Variants in ASAP2 observed in about 807,000 individuals in gnomAD.
ASAP2 encodes arf-GAP with SH3 domain, ANK repeat and PH domain-containing protein 2.
Under a neutral mutation model 131.4 loss-of-function variants are expected in ASAP2, and 45 were observed. The ratio of observed to expected loss-of-function variants is 0.34; its 90% CI spans 0.27 to 0.44. ASAP2 has a LOEUF of 0.44. ASAP2 is among the 20% of genes least tolerant of loss of function. ASAP2 has a pLI of 1.00. For missense variants in ASAP2, 1,011 were observed against 1,297.0 expected (o/e 0.78, Z 3.39); for synonymous variants, 510 against 503.0 (o/e 1.01, Z -0.19).
chr2:9,278,728 A>G (rs1032333004), intron 1 of ASAP2, among the ~76,000 whole-genome samples: 1 of 152,188 alleles, frequency 6.6e-6, no homozygotes, highest in Non-Finnish European at 1.5e-5. Context: ...GAGTACCTCT[A>G]TCTAATTATT....
chr2:9,339,309 G>A (rs1671426985), intron 9 of ASAP2, among the ~76,000 whole-genome samples: 1 of 152,066 alleles, frequency 6.6e-6, no homozygotes, highest in Non-Finnish European at 1.5e-5. Context: ...AGAAGAGCAT[G>A]GATCTTGGCA....
At chr2:9,238,970 G>T (rs913030050) in intron 1 of ASAP2, among the ~76,000 whole-genome samples, 3 of 152,122 alleles carry the variant, frequency 2.0e-5, no homozygotes, top group Admixed American at 6.5e-5. Flanking sequence ...TGTTCCCTGG[G>T]CCTCCCGCAG....
chr2:9,299,827 G>T (rs111504121), intron 3 of ASAP2, among the ~76,000 whole-genome samples: 1 of 151,580 alleles, frequency 6.6e-6, no homozygotes, highest in East Asian at 1.9e-4. Context: ...ATAGCCAGCC[G>T]GTGACTCTTA....
At chr2:9,339,402 G>A (rs1016289154) in intron 9 of ASAP2, among the ~76,000 whole-genome samples, 3 of 152,074 alleles carry the variant, frequency 2.0e-5, no homozygotes, top group Non-Finnish European at 2.9e-5. Context: ...TGGTCTCCCC[G>A]TCTGTCAAAT....
intron 24 of ASAP2, among the ~76,000 whole-genome samples, chr2:9,397,679 A>G (rs1676250099): frequency 6.7e-6 from 1 of 148,656 alleles, no homozygotes; most frequent in Non-Finnish European, 1.5e-5. Context: ...GCTAAGAACT[A>G]AGAATGGCTT....
intron 2 of ASAP2, among the ~76,000 whole-genome samples, chr2:9,285,621 T>G (rs1430136149): frequency 6.6e-6 from 1 of 152,258 alleles, no homozygotes; most frequent in Middle Eastern, 3.2e-3. Flanking sequence ...TTTCCCAAGC[T>G]CTGGCTCAGC....
chr2:9,374,059 T>A (rs1470662178), intron 16 of ASAP2, among the ~76,000 whole-genome samples: 1 of 152,214 alleles, frequency 6.6e-6, no homozygotes, highest in Non-Finnish European at 1.5e-5. Context: ...TTATTCAAGT[T>A]CAAAGCAGCA....
chr2:9,400,650 G>T, intron 25 of ASAP2, 92 bp from the exon 26 acceptor site: 1 of 1,206,088 alleles, frequency 8.3e-7, no homozygotes. Flanking sequence ...GGGGAAACCT[G>T]CTTTCAGACA....
chr2:9,231,825 T>C (rs931201758), intron 1 of ASAP2, among the ~76,000 whole-genome samples: 1 of 152,234 alleles, frequency 6.6e-6, no homozygotes, highest in Non-Finnish European at 1.5e-5. Flanking sequence ...CCTGGCAGCC[T>C]GGCCCTTCCC....
At chr2:9,259,976 C>T (rs1253635447) in intron 1 of ASAP2, among the ~76,000 whole-genome samples, 1 of 152,198 alleles carries the variant, frequency 6.6e-6, no homozygotes, top group Non-Finnish European at 1.5e-5. Context: ...ATCGCCCCCT[C>T]CCCTATCTGG....
intron 19 of ASAP2, 24 bp downstream of exon 19, chr2:9,379,083 G>A (rs772185936): frequency 2.2e-5 from 32 of 1,483,930 alleles, no homozygotes; most frequent in Admixed American, 1.3e-4. Flanking sequence ...GGCCCCGGGG[G>A]TGGGCTCAGC....
At chr2:9,255,397 A>G (rs1490559063) in intron 1 of ASAP2, among the ~76,000 whole-genome samples, 1 of 152,238 alleles carries the variant, frequency 6.6e-6, no homozygotes, top group African/African-American at 2.4e-5. Context: ...ACATATTCCT[A>G]GAAGCTGGGA....
rs180671045 is a variant in ASAP2 at position 9,321,437 on chromosome 2, G to A, written c.470+1100G>A. On this transcript the variant is annotated intron_variant, in intron 5 of 27. Coordinates refer to ENST00000281419, the MANE Select transcript of ASAP2 (RefSeq NM_003887.3). ...ACCCTGCAGGTCCATTCAGCCCAGGGAGGCCCCCACCCAGGATCCCTGGTC... is the reference window on the plus strand; with the variant it reads ...ACCCTGCAGGTCCATTCAGCCCAGGAAGGCCCCCACCCAGGATCCCTGGTC... Among the ~76,000 whole-genome samples, 419 of 152,296 alleles carry A rather than the reference G, an allele frequency of 2.8e-3. 2 individuals carry two copies. Among genetic ancestry groups the A allele is most frequent in the African/African-American group, 9.6e-3 (399 of 41,554 alleles).
At chr2:9,398,910 G>A (rs186787900) in intron 24 of ASAP2, 1 of 152,304 alleles carries the variant, frequency 6.6e-6, no homozygotes, top group East Asian at 1.9e-4. Flanking sequence ...GGCCTTCCCT[G>A]CGAGTGTTCT....
intron 1 of ASAP2, among the ~76,000 whole-genome samples, chr2:9,248,704 A>G (rs1170646342): frequency 6.6e-6 from 1 of 150,646 alleles, no homozygotes; most frequent in East Asian, 2.0e-4. Flanking sequence ...TGTAACTTTC[A>G]CTCCTATCTA....
chr2:9,333,941 C>T (rs905963848), intron 7 of ASAP2, among the ~76,000 whole-genome samples: 1 of 151,948 alleles, frequency 6.6e-6, no homozygotes, highest in African/African-American at 2.4e-5. Flanking sequence ...AGTTCTCTAC[C>T]CACGGTTTCC....
chr2:9,275,462 T>G (rs915328192), intron 1 of ASAP2, among the ~76,000 whole-genome samples: 3 of 152,184 alleles, frequency 2.0e-5, no homozygotes, highest in African/African-American at 7.2e-5. Context: ...GCAGGAGGGC[T>G]GAAATCTGGT....
intron 1 of ASAP2, among the ~76,000 whole-genome samples, chr2:9,265,364 G>A (rs964560114): frequency 6.6e-6 from 1 of 152,216 alleles, no homozygotes; most frequent in Non-Finnish European, 1.5e-5. Flanking sequence ...CATGGAGACC[G>A]AGGGACTACA....
intron 15 of ASAP2, among the ~76,000 whole-genome samples, chr2:9,364,544 G>A (rs1230219360): frequency 6.6e-6 from 1 of 152,124 alleles, no homozygotes; most frequent in East Asian, 1.9e-4. Context: ...GGCATCAAGA[G>A]CATTACCAAA....
Sources: allele counts gnomAD v4.1 joint callset (sites outside exome capture counted in the v4.1 genomes callset), GRCh38; gene constraint gnomAD v4.1.1; transcripts MANE v1.5; gene names NCBI Gene and HGNC (gene_info 2026-07-23, HGNC 2026-07-21).